The following IGF1R variants were observed in gnomAD, a reference collection of about 807,000 sequenced individuals.
IGF1R encodes insulin-like growth factor 1 receptor.
IGF1R carries 44 observed loss-of-function variants against 144.6 expected under a neutral mutation model. That is an observed-to-expected ratio of 0.30 (90% confidence interval 0.24 to 0.39). The LOEUF (loss-of-function observed/expected upper bound fraction) is 0.39, where lower values mean the gene tolerates loss of function less well. Ranked by LOEUF, IGF1R falls within the 10% of genes least tolerant of loss-of-function variation. The pLI is 1.00. For missense variants in IGF1R, 1,355 were observed against 1,833.7 expected (o/e 0.74, Z 4.77); for synonymous variants, 795 against 722.8 (o/e 1.10, Z -1.60).
chr15:98,804,877 G>A (rs1286019247), intron 2 of IGF1R, among the ~76,000 whole-genome samples: 1 of 152,140 alleles, frequency 6.6e-6, no homozygotes, highest in Non-Finnish European at 1.5e-5. Flanking sequence ...TGAATTTTTA[G>A]TAGAGACAGG....
chr15:98,909,610 C>T (rs1426845484), intron 6 of IGF1R, among the ~76,000 whole-genome samples: 1 of 152,194 alleles, frequency 6.6e-6, no homozygotes, highest in Non-Finnish European at 1.5e-5. Context: ...GAGCTCTACC[C>T]TTCTGCTCCC....
At chr15:98,670,266 C>T (rs529755877) in intron 1 of IGF1R, among the ~76,000 whole-genome samples, 17 of 152,014 alleles carry the variant, frequency 1.1e-4, no homozygotes, top group Non-Finnish European at 2.1e-4. Context: ...GATCATTTTG[C>T]CCAGAGGGAT....
At chr15:98,750,149 A>G (rs549974762) in intron 2 of IGF1R, among the ~76,000 whole-genome samples, 3 of 152,336 alleles carry the variant, frequency 2.0e-5, no homozygotes, top group East Asian at 1.9e-4. Flanking sequence ...CCCTCAGTAT[A>G]TAGAGCATCT....
intron 18 of IGF1R, among the ~76,000 whole-genome samples, chr15:98,939,953 C>T (rs2016305293): frequency 6.6e-6 from 1 of 152,198 alleles, no homozygotes; most frequent in African/African-American, 2.4e-5. Flanking sequence ...ACTTACTGTC[C>T]TGCTCTTAGC....
chr15:98,753,827 T>A (rs1596270088), intron 2 of IGF1R, among the ~76,000 whole-genome samples: 1 of 152,326 alleles, frequency 6.6e-6, no homozygotes, highest in South Asian at 2.1e-4. Context: ...TTGGGAGGTC[T>A]CTCTTGTATG....
chr15:98,657,737 T>C (rs1315913521), intron 1 of IGF1R, among the ~76,000 whole-genome samples: 1 of 152,252 alleles, frequency 6.6e-6, no homozygotes, highest in Non-Finnish European at 1.5e-5. Flanking sequence ...AATTGGGATT[T>C]TCTTTCTCAC....
intron 2 of IGF1R, among the ~76,000 whole-genome samples, chr15:98,835,128 C>T (rs929787570): frequency 6.7e-6 from 1 of 149,756 alleles, no homozygotes; most frequent in Admixed American, 6.6e-5. Flanking sequence ...CCCACACACA[C>T]CCACCCCTAC....
chr15:98,759,113 A>G (rs2055230730), intron 2 of IGF1R, among the ~76,000 whole-genome samples: 1 of 152,200 alleles, frequency 6.6e-6, no homozygotes. Context: ...CATTCCATCA[A>G]TGTTAATGAC....
chr15:98,650,760 T>G, intron 1 of IGF1R: 1 of 358,050 alleles, frequency 2.8e-6, no homozygotes, highest in South Asian at 1.1e-4. Flanking sequence ...TTTGTTGTGG[T>G]CGGCGTCGTG....
chr15:98,811,523 C>G (rs2056589401), intron 2 of IGF1R, among the ~76,000 whole-genome samples: 2 of 123,170 alleles, frequency 1.6e-5, no homozygotes, highest in South Asian at 5.2e-4. Context: ...GAGCGAAACT[C>G]CATCTCAAAA....
intron 1 of IGF1R, among the ~76,000 whole-genome samples, chr15:98,651,668 T>A (rs994849750): frequency 3.9e-5 from 6 of 152,204 alleles, no homozygotes; most frequent in African/African-American, 1.4e-4. Context: ...AAGGATATTC[T>A]TTGTGCAAGA....
intron 2 of IGF1R, among the ~76,000 whole-genome samples, chr15:98,764,962 T>A (rs2055398770): frequency 6.6e-6 from 1 of 152,198 alleles, no homozygotes; most frequent in African/African-American, 2.4e-5. Flanking sequence ...AAGCAGTTAA[T>A]CCCCATTCCC....
chr15:98,943,210 TC>T (rs1227168745), intron 19 of IGF1R, among the ~76,000 whole-genome samples, 158 bp downstream of exon 19: 1 of 152,220 alleles, frequency 6.6e-6, no homozygotes, highest in African/African-American at 2.4e-5. Context: ...ATTGAGGTGT[TC>T]CTGTTGTCAG....
At chr15:98,735,720 G>A (rs1005465009) in intron 2 of IGF1R, among the ~76,000 whole-genome samples, 1 of 152,228 alleles carries the variant, frequency 6.6e-6, no homozygotes, top group Non-Finnish European at 1.5e-5. Context: ...ATTTTGATGT[G>A]TGATCGCATT....
chr15:98,779,861 CAA>C (rs779332221), intron 2 of IGF1R, among the ~76,000 whole-genome samples: 1 of 152,140 alleles, frequency 6.6e-6, no homozygotes, highest in Non-Finnish European at 1.5e-5. Context: ...CGAACCCAAG[CAA>C]AGAGAGTTAA....
intron 1 of IGF1R, among the ~76,000 whole-genome samples, chr15:98,659,493 G>A (rs2052554688): frequency 6.6e-6 from 1 of 152,114 alleles, no homozygotes; most frequent in Non-Finnish European, 1.5e-5. Flanking sequence ...CCACTCTCTG[G>A]CTTGCTTCCT....
intron 2 of IGF1R, among the ~76,000 whole-genome samples, chr15:98,734,492 C>G (rs1375376810): frequency 6.6e-6 from 1 of 152,028 alleles, no homozygotes; most frequent in Non-Finnish European, 1.5e-5. Flanking sequence ...GAGTTTATAC[C>G]CATGGAGGTT....
chr15:98,895,338 G>A (rs957411904), intron 3 of IGF1R, among the ~76,000 whole-genome samples: 1 of 151,930 alleles, frequency 6.6e-6, no homozygotes, highest in African/African-American at 2.4e-5. Context: ...TTGGATGAAG[G>A]CTATGTGGGA....
Position 98,816,532 on chromosome 15 carries a change from A to C in IGF1R, c.641-74793A>C, listed in dbSNP as rs2056699781. ...GGACTTGCCTGTGTTTTCTTTGGGC[A>C]GTTCAAAGTTGGGCTCTTGAGAAGT... On this transcript the variant is annotated intron_variant, in intron 2 of 20. Transcript: ENST00000650285. 2.0e-5 allele frequency among the ~76,000 whole-genome samples: 3 copies of C among 152,202 alleles called. No homozygotes were observed. The South Asian group carries it at 6.2e-4, about 32-fold the overall frequency.
Sources: gnomAD v4.1 joint callset for allele counts (sites outside exome capture counted in the v4.1 genomes callset) on GRCh38, gnomAD v4.1.1 for gene constraint, MANE v1.5 for transcripts, NCBI Gene and HGNC (gene_info 2026-07-23, HGNC 2026-07-21) for gene names.